The following PTPRQ variants were observed in gnomAD, a reference collection of about 807,000 sequenced individuals.
PTPRQ encodes the protein protein tyrosine phosphatase receptor type Q, also known as phosphatidylinositol phosphatase PTPRQ.
In PTPRQ, 199 loss-of-function variants were observed where a neutral mutation model predicts 246.0. The ratio of observed to expected loss-of-function variants is 0.81; its 90% confidence interval spans 0.72 to 0.91. PTPRQ has a LOEUF of 0.91. Ranked by LOEUF, PTPRQ falls within the 40% of genes least tolerant of loss-of-function variation. The pLI is 0.00. For synonymous variants in PTPRQ, 869 were observed against 853.2 expected (o/e 1.02, Z -0.32); for missense variants, 2,624 against 2,528.4 (o/e 1.04, Z -0.81).
intron 35 of PTPRQ, among the ~76,000 whole-genome samples, chr12:80,642,733 A>G (rs1166844125): frequency 6.6e-6 from 1 of 151,162 alleles, no homozygotes; most frequent in Admixed American, 6.6e-5. Context: ...ATCCCGGCTA[A>G]AACGGTGAAA....
chr12:80,483,751 C>G (rs1037675931), intron 8 of PTPRQ, among the ~76,000 whole-genome samples: 2 of 151,680 alleles, frequency 1.3e-5, no homozygotes, highest in African/African-American at 4.8e-5. Flanking sequence ...CACCCACCGA[C>G]AGGCCCCGGT....
chr12:80,648,901 CTTAG>C lies in PTPRQ; in HGVS notation c.5924_5927del (p.Ser1975IlefsTer8). The stretch of plus-strand genomic sequence containing the variant: ...TTAACACAATCTCTATTGCAGGTTA[CTTAG>C]TTATAGAAAATCCATCAAGTAAGTT... On this transcript the variant is annotated frameshift_variant, in exon 36 of 45. Coordinates refer to ENST00000644991, the MANE Select transcript of PTPRQ (RefSeq NM_001145026.2). LOFTEE classifies it high-confidence loss of function. The C allele has an allele frequency of 6.5e-7, 1 of 1,528,798 alleles. No individual in the cohort carries two copies. The highest frequency in any genetic ancestry group is 8.8e-7 in the Non-Finnish European group (1 of 1,137,596). The allele number at this position is 1,528,798 out of a possible 1,614,324, so 94.7% of individuals were successfully genotyped here. A position where few individuals can be genotyped will look rare whatever the true frequency, so the allele number is the denominator to read the frequency against.
At chr12:80,559,245 A>G (rs747461135) in intron 25 of PTPRQ, among the ~76,000 whole-genome samples, 1 of 151,948 alleles carries the variant, frequency 6.6e-6, no homozygotes, top group Non-Finnish European at 1.5e-5. Context: ...AGAGCTTCGC[A>G]GTGTTACCCA....
chr12:80,638,870 G>C (rs1389286808), intron 35 of PTPRQ, among the ~76,000 whole-genome samples: 7 of 152,140 alleles, frequency 4.6e-5, no homozygotes, highest in Non-Finnish European at 8.8e-5. Flanking sequence ...TTTAAGTTTA[G>C]ATAACACAAA....
intron 6 of PTPRQ, among the ~76,000 whole-genome samples, chr12:80,468,068 C>G (rs1893498143): frequency 6.6e-6 from 1 of 151,832 alleles, no homozygotes; most frequent in African/African-American, 2.4e-5. Flanking sequence ...ATTTGCTAGA[C>G]AATAATTTTG....
rs146294887 is a variant in PTPRQ, at chr12:80,552,929, T to C, written c.4285+3195T>C. ...GAATTTGGGAATTAGGACTCAGATCTTCATTTAAACAAGACATGTGAATAA... is the reference window on the plus strand; with the variant it reads ...GAATTTGGGAATTAGGACTCAGATCCTCATTTAAACAAGACATGTGAATAA... On this transcript the variant is annotated intron_variant, in intron 25 of 44. Coordinates refer to ENST00000644991, the MANE Select transcript of PTPRQ (RefSeq NM_001145026.2). Among the ~76,000 whole-genome samples, 590 of 151,930 alleles carry C rather than the reference T, an allele frequency of 3.9e-3. 6 individuals are homozygous for C. Among genetic ancestry groups the C allele is most frequent in the African/African-American group, 0.013 (549 of 41,446 alleles).
chr12:80,599,766 T>A (rs1898082670), intron 26 of PTPRQ, among the ~76,000 whole-genome samples: 1 of 151,446 alleles, frequency 6.6e-6, no homozygotes. Flanking sequence ...GGCATTTTGG[T>A]GTTCTAAATA....
chr12:80,635,870 A>G (rs1239774103), intron 35 of PTPRQ, among the ~76,000 whole-genome samples: 1 of 152,192 alleles, frequency 6.6e-6, no homozygotes, highest in Non-Finnish European at 1.5e-5. Flanking sequence ...GTTACCAAGT[A>G]TTTGCTCAGC....
intron 9 of PTPRQ, among the ~76,000 whole-genome samples, chr12:80,490,118 C>T (rs1894400307): frequency 6.6e-6 from 1 of 151,894 alleles, no homozygotes; most frequent in African/African-American, 2.4e-5. Flanking sequence ...GGAGTCAAGA[C>T]TTAAAGATCT....
intron 6 of PTPRQ, chr12:80,462,579 C>T (rs1893231064): frequency 6.5e-6 from 1 of 152,708 alleles, no homozygotes; most frequent in Non-Finnish European, 1.5e-5. Context: ...GGGTCCCTGA[C>T]CCCTGACCGC....
intron 25 of PTPRQ, among the ~76,000 whole-genome samples, chr12:80,557,430 G>A (rs528067521): frequency 6.6e-6 from 1 of 150,788 alleles, no homozygotes; most frequent in African/African-American, 2.4e-5. Context: ...TATTTCCAAT[G>A]TCCAGAAAAG....
intron 17 of PTPRQ, among the ~76,000 whole-genome samples, chr12:80,524,094 A>T (rs1483144404): frequency 6.6e-6 from 1 of 152,082 alleles, no homozygotes; most frequent in Non-Finnish European, 1.5e-5. Context: ...CTTCTTGTTG[A>T]ATTGATTCCT....
chr12:80,635,106 A>C, intron 35 of PTPRQ, 33 bp downstream of exon 35: 2 of 1,547,018 alleles, frequency 1.3e-6, no homozygotes, highest in Middle Eastern at 1.7e-4. Flanking sequence ...ACTGTGGTCC[A>C]GAGGGCCTGG....
rs537673692 is a variant in PTPRQ, at chr12:80,467,058, G to A, written c.911-1652G>A. On this transcript the variant is annotated intron_variant, in intron 6 of 44. Coordinates refer to ENST00000644991, the MANE Select transcript of PTPRQ (RefSeq NM_001145026.2). The stretch of plus-strand genomic sequence containing the variant: ...TGCATAGCAAAAGAAACTACCATCA[G>A]AGTGAACAGGCAACCTTCAGAATGG... Among the ~76,000 whole-genome samples, 3 of 152,334 alleles carry A rather than the reference G, an allele frequency of 2.0e-5. No homozygotes were observed. The East Asian group carries it at 5.8e-4, about 29-fold the overall frequency.
chr12:80,668,184 T>C (rs1269089479), intron 39 of PTPRQ, among the ~76,000 whole-genome samples: 2 of 151,990 alleles, frequency 1.3e-5, no homozygotes, highest in East Asian at 1.9e-4. Context: ...TTTTAACTTA[T>C]ACATTACCTT....
intron 25 of PTPRQ, among the ~76,000 whole-genome samples, chr12:80,581,644 A>G (rs572356196): frequency 6.6e-6 from 1 of 152,282 alleles, no homozygotes; most frequent in East Asian, 1.9e-4. Flanking sequence ...CAAGAAAAAA[A>G]AAGTAAAAAT....
intron 10 of PTPRQ, among the ~76,000 whole-genome samples, chr12:80,493,879 G>C (rs569374387): frequency 4.6e-5 from 7 of 152,060 alleles, no homozygotes; most frequent in South Asian, 4.1e-4. Context: ...TGATAAACAG[G>C]TGTAGGTGAC....
At chr12:80,559,424 T>C (rs1896761278) in intron 25 of PTPRQ, among the ~76,000 whole-genome samples, 1 of 152,192 alleles carries the variant, frequency 6.6e-6, no homozygotes, top group Non-Finnish European at 1.5e-5. Flanking sequence ...TATTTATCAA[T>C]TTTTTCTTTT....
intron 7 of PTPRQ, among the ~76,000 whole-genome samples, chr12:80,471,857 C>A (rs1408720731): frequency 6.6e-6 from 1 of 152,062 alleles, no homozygotes; most frequent in African/African-American, 2.4e-5. Flanking sequence ...TTCAAAAAGG[C>A]TTTATGATTT....
Sources: allele counts gnomAD v4.1 joint callset (sites outside exome capture counted in the v4.1 genomes callset), GRCh38; gene constraint gnomAD v4.1.1; transcripts MANE v1.5; gene names NCBI Gene and HGNC (gene_info 2026-07-23, HGNC 2026-07-21).